The following TENM2 variants were observed in gnomAD, a reference collection of about 807,000 sequenced individuals.
TENM2 encodes teneurin transmembrane protein 2.
Under a neutral mutation model 245.2 loss-of-function variants are expected in TENM2, and 52 were observed. The observed-to-expected ratio is 0.21, with a 90% CI of 0.17 to 0.27. TENM2 has a LOEUF of 0.27. Ranked by LOEUF, TENM2 falls within the 10% of genes least tolerant of loss-of-function variation. The pLI is 1.00. For missense variants in TENM2, 3,046 were observed against 3,666.8 expected, an observed-to-expected ratio of 0.83 and a Z score of 4.37; for synonymous variants, 1,363 against 1,438.9, an observed-to-expected ratio of 0.95 and a Z score of 1.19.
chr5:167,221,164 G>A, the TENM2 span, among the ~76,000 whole-genome samples: 2 of 152,112 alleles, frequency 1.3e-5, no homozygotes, highest in African/African-American at 2.4e-5. Flanking sequence ...GGATGCAGCC[G>A]TGATGCCGAT....
At chr5:167,464,873 G>T (rs1021322100) in intron 2 of TENM2, among the ~76,000 whole-genome samples, 3 of 152,136 alleles carry the variant, frequency 2.0e-5, no homozygotes, top group Admixed American at 1.3e-4. Context: ...ACTTCACTAT[G>T]CATTTGTTGA....
rs200661613 is a variant in TENM2 at position 167,716,884 on chromosome 5, A to ATATTTTATTTTATTT, written c.503-159057_503-159043dup. On this transcript the variant is annotated intron_variant, in intron 2 of 28. Transcript: ENST00000518659. ...TTTACTCAACTTTGGGTCTTTTTTT[A>ATATTTTATTTTATTT]TATTTTATTTTATTTTATTTTATTT... Among the ~76,000 whole-genome samples the ATATTTTATTTTATTT allele has an allele frequency of 1.9e-3, 254 of 132,172 alleles. 2 individuals carry two copies. Among genetic ancestry groups the ATATTTTATTTTATTT allele is most frequent in the African/African-American group, 5.3e-3 (184 of 34,556 alleles). 86.7% of individuals were successfully genotyped at this position (132,172 alleles called of 152,430 possible).
chr5:168,006,489 C>A (rs1288203565), intron 5 of TENM2, among the ~76,000 whole-genome samples: 2 of 152,170 alleles, frequency 1.3e-5, no homozygotes, highest in African/African-American at 4.8e-5. Flanking sequence ...TCACCATAGC[C>A]TTGGAATCCT....
intron 5 of TENM2, among the ~76,000 whole-genome samples, chr5:168,006,410 G>A (rs1784824469): frequency 1.3e-5 from 2 of 152,192 alleles, no homozygotes; most frequent in South Asian, 4.1e-4. Context: ...GATTCTCCAT[G>A]TAGAAAAGAA....
At chr5:167,607,175 G>T (rs1407857919) in intron 2 of TENM2, among the ~76,000 whole-genome samples, 4 of 152,114 alleles carry the variant, frequency 2.6e-5, no homozygotes, top group Non-Finnish European at 5.9e-5. Context: ...CAATACAGTA[G>T]AGAGAAATGT....
chr5:167,112,822 A>G, the TENM2 span, among the ~76,000 whole-genome samples: 1 of 152,212 alleles, frequency 6.6e-6, no homozygotes, highest in Non-Finnish European at 1.5e-5. Flanking sequence ...TGGAAAATTC[A>G]CAGTATGAAT....
chr5:166,986,846 A>G, the TENM2 span, among the ~76,000 whole-genome samples: 1 of 152,224 alleles, frequency 6.6e-6, no homozygotes, highest in Non-Finnish European at 1.5e-5. Flanking sequence ...CAGAGAAGTT[A>G]AGAACACCAT....
chr5:167,725,847 C>T (rs1249097511), intron 2 of TENM2, among the ~76,000 whole-genome samples: 1 of 151,870 alleles, frequency 6.6e-6, no homozygotes, highest in Non-Finnish European at 1.5e-5. Flanking sequence ...GCCTGAAATC[C>T]CCTTCCTCTA....
intron 2 of TENM2, among the ~76,000 whole-genome samples, chr5:167,750,337 G>A (rs1028080445): frequency 2.6e-5 from 4 of 152,092 alleles, no homozygotes; most frequent in African/African-American, 9.7e-5. Flanking sequence ...GACAGGGTAG[G>A]GAGTCTGATT....
At chr5:167,796,798 T>C (rs1765354526) in intron 2 of TENM2, among the ~76,000 whole-genome samples, 1 of 152,206 alleles carries the variant, frequency 6.6e-6, no homozygotes, top group Non-Finnish European at 1.5e-5. Context: ...TGGGAGTTGC[T>C]GTTAACATGG....
chr5:168,007,344 G>A (rs1204076910), intron 5 of TENM2, among the ~76,000 whole-genome samples: 3 of 152,162 alleles, frequency 2.0e-5, no homozygotes, highest in South Asian at 2.1e-4. Context: ...GGCCAGGCTC[G>A]TCTCGGACTC....
chr5:167,508,443 A>G (rs1341215724), intron 2 of TENM2, among the ~76,000 whole-genome samples: 1 of 152,120 alleles, frequency 6.6e-6, no homozygotes, highest in Non-Finnish European at 1.5e-5. Flanking sequence ...ATGAGTGTAA[A>G]CCTCAGCTCA....
chr5:167,115,171 G>C, the TENM2 span, among the ~76,000 whole-genome samples: 9 of 152,174 alleles, frequency 5.9e-5, no homozygotes, highest in African/African-American at 2.2e-4. Flanking sequence ...ATAAAGGAAA[G>C]ATCACAGGAA....
chr5:168,182,825 CT>C (rs149579948), intron 13 of TENM2, among the ~76,000 whole-genome samples: 11,274 of 100,666 alleles, frequency 0.11, 353 homozygotes, highest in Non-Finnish European at 0.15. Context: ...TCAGGGTGCT[CT>C]TTTTTTTTTT....
the TENM2 span, among the ~76,000 whole-genome samples, chr5:167,202,577 C>T: frequency 6.6e-6 from 1 of 152,174 alleles, no homozygotes; most frequent in East Asian, 1.9e-4. Context: ...ATCATGTCCA[C>T]AGTTGAATAG....
intron 2 of TENM2, among the ~76,000 whole-genome samples, chr5:167,578,851 T>C (rs1298692154): frequency 6.6e-6 from 1 of 152,216 alleles, no homozygotes; most frequent in East Asian, 1.9e-4. Flanking sequence ...TGGAAGTTTA[T>C]ATGTGAACAT....
chr5:167,233,789 A>T, the TENM2 span, among the ~76,000 whole-genome samples: 81 of 152,330 alleles, frequency 5.3e-4, no homozygotes, highest in African/African-American at 1.9e-3. Flanking sequence ...CAGTGAGTAT[A>T]AGAAAATTAT....
At chr5:167,593,409 C>T (rs1277762064) in intron 2 of TENM2, among the ~76,000 whole-genome samples, 1 of 152,216 alleles carries the variant, frequency 6.6e-6, no homozygotes, top group Non-Finnish European at 1.5e-5. Flanking sequence ...TGTACCCTGG[C>T]TTGGTCATTT....
At chr5:167,069,136 T>G in the TENM2 span, among the ~76,000 whole-genome samples, 1 of 152,204 alleles carries the variant, frequency 6.6e-6, no homozygotes, top group African/African-American at 2.4e-5. Flanking sequence ...TCTCTTTATA[T>G]CTAAAGGGAA....
Sources: allele counts gnomAD v4.1 joint callset (sites outside exome capture counted in the v4.1 genomes callset), GRCh38; gene constraint gnomAD v4.1.1; transcripts MANE v1.5; gene names NCBI Gene and HGNC (gene_info 2026-07-23, HGNC 2026-07-21).